The following CD58 variants were observed in gnomAD, a reference collection of about 807,000 sequenced individuals.
CD58 encodes CD58 molecule, also known as lymphocyte function-associated antigen 3.
A neutral mutation model predicts 27.6 loss-of-function variants in CD58; 14 were observed. That is an observed-to-expected ratio of 0.51 (90% CI 0.34 to 0.79). CD58 has a LOEUF of 0.79. CD58 is among the 30% of genes least tolerant of loss of function. The pLI is 0.02. For missense variants in CD58, 268 were observed against 301.7 expected (o/e 0.89, Z 0.83); for synonymous variants, 117 against 103.8 (o/e 1.13, Z -0.77).
chr1:116,543,527 G>A (rs1008394908), intron 2 of CD58, among the ~76,000 whole-genome samples: 2 of 151,920 alleles, frequency 1.3e-5, no homozygotes, highest in African/African-American at 4.8e-5. Flanking sequence ...TGTGAGGCAG[G>A]GGCCTATACA....
chr1:116,552,777 C>T lies in CD58; in HGVS notation c.71-8173G>A, dbSNP rs1328736824. On this transcript the variant is annotated intron_variant, in intron 1 of 5. Transcript: ENST00000369489. This position sits in a 1 kb window ranked among gnomAD's most constrained non-coding sequence, Gnocchi z 4.5. ...TGGCTAGCTTTGTCTATTGCAGTTA[C>T]ACCGCAATAACTATCCTGTACATAT... Among the ~76,000 whole-genome samples the T allele has an allele frequency of 6.6e-6, 1 of 152,220 alleles. No homozygotes were observed. The highest frequency in any genetic ancestry group is 1.9e-4 in the East Asian group (1 of 5,204).
chr1:116,565,081 C>G (rs1658887283), intron 1 of CD58, among the ~76,000 whole-genome samples: 1 of 152,234 alleles, frequency 6.6e-6, no homozygotes, highest in African/African-American at 2.4e-5. Flanking sequence ...GCCCCTGCAG[C>G]CTAACCAACC....
chr1:116,527,054 T>C lies in CD58; in HGVS notation c.629-5071A>G, dbSNP rs1453749769. Among the ~76,000 whole-genome samples the C allele has an allele frequency of 6.6e-6, 1 of 152,158 alleles. No homozygotes were observed. Among genetic ancestry groups the C allele is most frequent in the East Asian group, 1.9e-4 (1 of 5,208 alleles). Reference sequence around the variant, plus strand: ...ATCCTACAAATGTGCTATAGTTTTTTATTAGTTCCAGGAGGTTTTTGGTCA... The same window carrying C: ...ATCCTACAAATGTGCTATAGTTTTTCATTAGTTCCAGGAGGTTTTTGGTCA... On this transcript the variant is annotated intron_variant, in intron 3 of 5. Coordinates refer to ENST00000369489, the MANE Select transcript of CD58 (RefSeq NM_001779.3). The surrounding 1 kb of genome is among the most constrained non-coding windows in gnomAD (Gnocchi z 4.4).
At chr1:116,560,958 A>C (rs1434384040) in intron 1 of CD58, among the ~76,000 whole-genome samples, 1 of 152,216 alleles carries the variant, frequency 6.6e-6, no homozygotes, top group Non-Finnish European at 1.5e-5. Flanking sequence ...CTGTGTCCTT[A>C]AGTAAAACCT....
intron 3 of CD58, chr1:116,533,702 C>A (rs1657693406): frequency 1.5e-6 from 1 of 685,514 alleles, no homozygotes; most frequent in South Asian, 1.4e-5. Flanking sequence ...AATTTCTCCT[C>A]CTCTTCATTT....
intron 1 of CD58, among the ~76,000 whole-genome samples, chr1:116,554,679 G>A (rs2101210132): frequency 6.6e-6 from 1 of 152,208 alleles, no homozygotes; most frequent in South Asian, 2.1e-4. Flanking sequence ...TGTGGTGATG[G>A]TGAGATTTCA....
rs923970662 is a variant in CD58, at chr1:116,538,586, C to A, written c.365-2358G>T. On this transcript the variant is annotated intron_variant, in intron 2 of 5. Coordinates refer to ENST00000369489, the MANE Select transcript of CD58 (RefSeq NM_001779.3). This position sits in a 1 kb window ranked among gnomAD's most constrained non-coding sequence, Gnocchi z 4.7. ...CTTGTTAAAAATACAGATTCCTGAG[C>A]CCCACCATCCCAGGTGCTTCTGATG... Among the ~76,000 whole-genome samples, 2 of 152,186 alleles carry A rather than the reference C, an allele frequency of 1.3e-5. No individual in the cohort carries two copies. The highest frequency in any genetic ancestry group is 2.9e-5 in the Non-Finnish European group (2 of 68,026).
chr1:116,523,247 A>T lies in CD58; in HGVS notation c.629-1264T>A, dbSNP rs2101157405. Reference sequence around the variant, plus strand: ...CACAGCAGCTCCTTGTTTTCACAAAAAACTGTGGTATGTTCACAAGGTAAA... The same window carrying T: ...CACAGCAGCTCCTTGTTTTCACAAATAACTGTGGTATGTTCACAAGGTAAA... On this transcript the variant is annotated intron_variant, in intron 3 of 5. Transcript: ENST00000369489. The surrounding 1 kb of genome is among the most constrained non-coding windows in gnomAD (Gnocchi z 4.4). Among the ~76,000 whole-genome samples the T allele has an allele frequency of 6.6e-6, 1 of 152,322 alleles. No individual in the cohort carries two copies. Among genetic ancestry groups the T allele is most frequent in the Admixed American group, 6.5e-5 (1 of 15,294 alleles).
At chr1:116,555,899 T>A (rs1394096705) in intron 1 of CD58, among the ~76,000 whole-genome samples, 1 of 152,148 alleles carries the variant, frequency 6.6e-6, no homozygotes, top group Non-Finnish European at 1.5e-5. Context: ...TTTTTTTTTT[T>A]ACTTAATCTA....
In CD58 at chr1:116,516,788, C is replaced by T. The variant is rs1657094068; in HGVS notation, c.744-1966G>A. Among the ~76,000 whole-genome samples the T allele has an allele frequency of 6.6e-6, 1 of 152,178 alleles. No homozygotes were observed. The highest frequency in any genetic ancestry group is 2.4e-5 in the African/African-American group (1 of 41,444). The stretch of plus-strand genomic sequence containing the variant: ...CTCATATCACACATTCTGCCTATCA[C>T]CTGTGCTTCCTGCCTAAGTCCTTCT... On this transcript the variant is annotated intron_variant, in intron 5 of 5. Coordinates refer to ENST00000369489, the MANE Select transcript of CD58 (RefSeq NM_001779.3). The surrounding 1 kb of genome is among the most constrained non-coding windows in gnomAD (Gnocchi z 6.1).
Position 116,538,411 on chromosome 1 carries a change from G to A in CD58, c.365-2183C>T, listed in dbSNP as rs961299874. 6.6e-6 allele frequency among the ~76,000 whole-genome samples: 1 copy of A among 152,098 alleles called. No homozygotes were observed. The highest frequency in any genetic ancestry group is 6.5e-5 in the Admixed American group (1 of 15,276). On this transcript the variant is annotated intron_variant, in intron 2 of 5. Coordinates refer to ENST00000369489, the MANE Select transcript of CD58 (RefSeq NM_001779.3). The surrounding 1 kb of genome is among the most constrained non-coding windows in gnomAD (Gnocchi z 4.7). ...TGCATCCCCAGAATAGTTCAAAAAT[G>A]CCTGTTCTCAGTATTTCATATACTT... is the stretch of plus-strand genomic sequence containing the variant.
rs960743554 is a variant in CD58, at chr1:116,528,057, G to A, written c.629-6074C>T. Among the ~76,000 whole-genome samples the A allele has an allele frequency of 3.3e-5, 5 of 152,140 alleles. No homozygotes were observed. The highest frequency in any genetic ancestry group is 5.9e-5 in the Non-Finnish European group (4 of 68,020). ...GGATTATAGGCATAAGCCACTGCAC[G>A]CAGCGTTCTTTCTCAATTTTTAAAA... On this transcript the variant is annotated intron_variant, in intron 3 of 5. Transcript: ENST00000369489. This position sits in a 1 kb window ranked among gnomAD's most constrained non-coding sequence, Gnocchi z 4.4.
rs1015304429 is a variant in CD58, at chr1:116,522,634, G to T, written c.629-651C>A. Among the ~76,000 whole-genome samples, 2 of 152,182 alleles carry T rather than the reference G, an allele frequency of 1.3e-5. No individual in the cohort carries two copies. The highest frequency in any genetic ancestry group is 2.9e-5 in the Non-Finnish European group (2 of 68,024). ...ATTTCACTGTTAACTTGACTCTGTA[G>T]AACTAATATGAATAACAAGATTCGA... On this transcript the variant is annotated intron_variant, in intron 3 of 5. Coordinates refer to ENST00000369489, the MANE Select transcript of CD58 (RefSeq NM_001779.3). The surrounding 1 kb of genome is among the most constrained non-coding windows in gnomAD (Gnocchi z 4.6).
In CD58 at chr1:116,534,488, C is replaced by A. The variant is rs1372705048; in HGVS notation, c.628+1477G>T. On this transcript the variant is annotated intron_variant, in intron 3 of 5. Transcript: ENST00000369489. The surrounding 1 kb of genome is among the most constrained non-coding windows in gnomAD (Gnocchi z 5.3). The stretch of plus-strand genomic sequence containing the variant: ...TAGCGGGAGATTTGAGCTGCCAGCC[C>A]CCACTCGCCGCCCTCTACGCCTCCT... Among the ~76,000 whole-genome samples, 1 of 152,318 alleles carries A rather than the reference C, an allele frequency of 6.6e-6. No individual in the cohort carries two copies. The highest frequency in any genetic ancestry group is 2.1e-4 in the South Asian group (1 of 4,830).
In CD58 at chr1:116,570,714, C is replaced by T. The variant is rs763072858; in HGVS notation, c.70+189G>A. 2.0e-5 allele frequency among the ~76,000 whole-genome samples: 3 copies of T among 152,168 alleles called. No individual in the cohort carries two copies. Among genetic ancestry groups the T allele is most frequent in the Non-Finnish European group, 4.4e-5 (3 of 68,018 alleles). On this transcript the variant is annotated intron_variant, in intron 1 of 5. Transcript: ENST00000369489. This position sits in a 1 kb window ranked among gnomAD's most constrained non-coding sequence, Gnocchi z 6.4. ...AGTTCCTTGCTGACTCCATGAGGGA[C>T]ACTGGCGATGAAATAACAACTTTCT...
intron 1 of CD58, among the ~76,000 whole-genome samples, chr1:116,567,931 C>A (rs1658994791): frequency 1.3e-5 from 2 of 152,086 alleles, no homozygotes; most frequent in East Asian, 3.9e-4. Context: ...ATGAAGTATT[C>A]CTGCTACAAA....
intron 1 of CD58, among the ~76,000 whole-genome samples, chr1:116,566,683 T>C (rs913649284): frequency 1.3e-5 from 2 of 152,056 alleles, no homozygotes; most frequent in Non-Finnish European, 2.9e-5. Flanking sequence ...ACTTGTCAAA[T>C]GTGGGGTTGC....
chr1:116,547,891 G>A (rs1356689246), intron 1 of CD58, among the ~76,000 whole-genome samples: 1 of 152,110 alleles, frequency 6.6e-6, no homozygotes, highest in African/African-American at 2.4e-5. Context: ...CTCCATAGTG[G>A]TTGTACTAGT....
At position 116,570,090 on chromosome 1, in the gene CD58, A is replaced by G. The variant is rs1313158224; in HGVS notation, c.70+813T>C. 6.6e-6 allele frequency among the ~76,000 whole-genome samples: 1 copy of G among 152,172 alleles called. No homozygotes were observed. The highest frequency in any genetic ancestry group is 1.5e-5 in the Non-Finnish European group (1 of 68,028). On this transcript the variant is annotated intron_variant, in intron 1 of 5. Transcript: ENST00000369489. This position sits in a 1 kb window ranked among gnomAD's most constrained non-coding sequence, Gnocchi z 6.4. ...CAGGAGCCAGCCATGAGAACCCCTC[A>G]AGTACAGTTGAACTCGCTGGGAGGT...
Sources: gnomAD v4.1 joint callset for allele counts (sites outside exome capture counted in the v4.1 genomes callset) on GRCh38, gnomAD v4.1.1 for gene constraint, Gnocchi (gnomAD v3.1) non-coding constraint, MANE v1.5 for transcripts, NCBI Gene and HGNC (gene_info 2026-07-23, HGNC 2026-07-21) for gene names.